Variants in ICA1L observed in about 807,000 individuals in gnomAD.
ICA1L encodes islet cell autoantigen 1-like protein.
ICA1L carries 50 observed loss-of-function variants against 61.3 expected under a neutral mutation model. That is an observed-to-expected ratio of 0.82 (90% CI 0.65 to 1.03). ICA1L has a LOEUF of 1.03. Ranked by LOEUF, ICA1L falls within the 50% of genes least tolerant of loss-of-function variation. The pLI is 0.00. For synonymous variants in ICA1L, 161 were observed against 191.3 expected, an observed-to-expected ratio of 0.84 and a Z score of 1.31; for missense variants, 508 against 556.7, an observed-to-expected ratio of 0.91 and a Z score of 0.88.
At position 202,786,498 on chromosome 2, in the gene ICA1L, G is replaced by A. The variant is rs1466296064; in HGVS notation, c.1244-491C>T. Among the ~76,000 whole-genome samples the A allele has an allele frequency of 9.9e-5, 15 of 152,182 alleles. 1 individual carries two copies. In the South Asian group the frequency reaches 1.2e-3, roughly 13 times the overall value. ...CGGGAAGCGGAGCTTGCAGTGAGCC[G>A]AGATTGCGCCACTGCAGTCCGCAGT... On this transcript the variant is annotated intron_variant, in intron 11 of 12. Transcript: ENST00000358299.
rs944036427 is a variant in ICA1L at position 202,779,383 on chromosome 2, T to C, written c.*150A>G. On this transcript the variant is annotated 3_prime_UTR_variant, in exon 13 of 13. Transcript: ENST00000358299. ...AAGATGTGTACTTATTCAAATGTGGTCTTTACCATCTGTCTAAAGTTGGCT... is the reference window on the plus strand; with the variant it reads ...AAGATGTGTACTTATTCAAATGTGGCCTTTACCATCTGTCTAAAGTTGGCT... 3.9e-6 allele frequency: 2 copies of C among 516,418 alleles called. No homozygotes were observed. Among genetic ancestry groups the C allele is most frequent in the Non-Finnish European group, 6.8e-6 (2 of 293,358 alleles). The allele number at this position is 516,418 out of a possible 1,614,324, so 32.0% of individuals were successfully genotyped here.
intron 1 of ICA1L, among the ~76,000 whole-genome samples, chr2:202,855,940 G>A (rs1302164497): frequency 1.3e-5 from 2 of 152,048 alleles, no homozygotes; most frequent in East Asian, 3.9e-4. Context: ...TGGGTGTGGT[G>A]GCGGGTGACT....
intron 12 of ICA1L, among the ~76,000 whole-genome samples, chr2:202,784,066 G>C (rs1225682127): frequency 6.6e-6 from 1 of 152,186 alleles, no homozygotes; most frequent in African/African-American, 2.4e-5. Flanking sequence ...CAAGGATTCA[G>C]AAGTCAGCCT....
intron 1 of ICA1L, chr2:202,869,679 A>G (rs1687639254): frequency 6.6e-6 from 1 of 152,174 alleles, no homozygotes; most frequent in South Asian, 2.1e-4. Context: ...GTGTTACTTT[A>G]GTCTTTTTTT....
chr2:202,811,292 C>T (rs1385881248), intron 9 of ICA1L, among the ~76,000 whole-genome samples: 9 of 152,028 alleles, frequency 5.9e-5, no homozygotes, highest in South Asian at 2.1e-4. Context: ...AAAGAACCTA[C>T]GTGAAATATC....
intron 2 of ICA1L, among the ~76,000 whole-genome samples, chr2:202,826,748 AT>A (rs747276403): frequency 3.8e-3 from 534 of 141,104 alleles, no homozygotes; most frequent in Admixed American, 4.2e-3. Context: ...GGGATTACAG[AT>A]TTTTTTTTTT....
At chr2:202,861,733 A>G (rs1694920884) in intron 1 of ICA1L, among the ~76,000 whole-genome samples, 1 of 151,800 alleles carries the variant, frequency 6.6e-6, no homozygotes, top group Non-Finnish European at 1.5e-5. Context: ...CTAAAAACAA[A>G]AATTAGCTGG....
At chr2:202,823,010 T>C (rs1298363065) in intron 3 of ICA1L, among the ~76,000 whole-genome samples, 5 of 152,242 alleles carry the variant, frequency 3.3e-5, no homozygotes, top group Non-Finnish European at 7.3e-5. Context: ...CTTCATAAAA[T>C]ATACCTCAAT....
chr2:202,862,629 G>C (rs924696776), intron 1 of ICA1L, among the ~76,000 whole-genome samples: 1 of 151,986 alleles, frequency 6.6e-6, no homozygotes, highest in Non-Finnish European at 1.5e-5. Context: ...CTGAGGTCAG[G>C]AGTTCGAGAC....
At chr2:202,871,138 A>G (rs1259411925) in intron 1 of ICA1L, 4 of 152,262 alleles carry the variant, frequency 2.6e-5, no homozygotes, top group African/African-American at 9.6e-5. Context: ...ATTACAAAAT[A>G]ATAGCGAAAT....
chr2:202,781,025 A>G (rs1692385717), intron 12 of ICA1L, among the ~76,000 whole-genome samples: 1 of 152,212 alleles, frequency 6.6e-6, no homozygotes, highest in East Asian at 1.9e-4. Flanking sequence ...CAGCTGTTGA[A>G]GAGTCCTGAA....
At chr2:202,837,102 A>G (rs1460589359) in intron 1 of ICA1L, among the ~76,000 whole-genome samples, 1 of 152,094 alleles carries the variant, frequency 6.6e-6, no homozygotes, top group Non-Finnish European at 1.5e-5. Context: ...TCGGCCTCCC[A>G]AAGTGCTGGG....
At chr2:202,868,748 C>T (rs767295179) in intron 1 of ICA1L, among the ~76,000 whole-genome samples, 21 of 151,062 alleles carry the variant, frequency 1.4e-4, no homozygotes, top group Non-Finnish European at 2.5e-4. Flanking sequence ...TGGTGGATCA[C>T]CTGAGGTCAG....
At chr2:202,834,486 G>A (rs1315744009) in intron 1 of ICA1L, among the ~76,000 whole-genome samples, 1 of 152,024 alleles carries the variant, frequency 6.6e-6, no homozygotes, top group Non-Finnish European at 1.5e-5. Flanking sequence ...AAAATTAGCT[G>A]GGCGTGGTGC....
At chr2:202,862,334 T>C (rs1452063312) in intron 1 of ICA1L, among the ~76,000 whole-genome samples, 2 of 133,306 alleles carry the variant, frequency 1.5e-5, no homozygotes, top group African/African-American at 5.8e-5. Flanking sequence ...ACGCCTGTAG[T>C]GTAAGCGACT....
intron 8 of ICA1L, among the ~76,000 whole-genome samples, chr2:202,814,080 C>T (rs1693458919): frequency 6.6e-6 from 1 of 152,048 alleles, no homozygotes; most frequent in African/African-American, 2.4e-5. Flanking sequence ...CGTGTAGGAT[C>T]TGGATATTAA....
chr2:202,841,882 G>C (rs1273549407), intron 1 of ICA1L: 1 of 267,034 alleles, frequency 3.7e-6, no homozygotes, highest in African/African-American at 2.3e-5. Context: ...TTTTTAGATA[G>C]AGTTTTGTTC....
intron 1 of ICA1L, among the ~76,000 whole-genome samples, chr2:202,855,834 G>C (rs2105884913): frequency 6.6e-6 from 1 of 152,238 alleles, no homozygotes; most frequent in South Asian, 2.1e-4. Flanking sequence ...CCAGCACTCT[G>C]GGAGGCCAAG....
At chr2:202,823,163 G>T (rs953356172) in intron 3 of ICA1L, among the ~76,000 whole-genome samples, 1 of 152,096 alleles carries the variant, frequency 6.6e-6, no homozygotes, top group South Asian at 2.1e-4. Context: ...CAGTCAATGA[G>T]GCTGAGTCTG....
Sources: gnomAD v4.1 joint callset for allele counts (sites outside exome capture counted in the v4.1 genomes callset) on GRCh38, gnomAD v4.1.1 for gene constraint, MANE v1.5 for transcripts, NCBI Gene and HGNC (gene_info 2026-07-23, HGNC 2026-07-21) for gene names.